The following SRGAP1 variants were observed in gnomAD, a reference collection of about 807,000 sequenced individuals.
SRGAP1 encodes SLIT-ROBO Rho GTPase activating protein 1, also known as SLIT-ROBO Rho GTPase-activating protein 1.
Under a neutral mutation model 121.9 loss-of-function variants are expected in SRGAP1, and 43 were observed. That is an observed-to-expected ratio of 0.35 (90% CI 0.28 to 0.46). SRGAP1 has a LOEUF of 0.46. Among genes scored for constraint, SRGAP1 ranks in the 20% least tolerant of loss-of-function variants. SRGAP1 has a pLI of 1.00. For missense variants in SRGAP1, 1,102 were observed against 1,350.9 expected (o/e 0.82, Z 2.89); for synonymous variants, 447 against 485.4 (o/e 0.92, Z 1.04).
chr12:64,074,564 C>T (rs1040146382), intron 8 of SRGAP1, among the ~76,000 whole-genome samples: 2 of 152,106 alleles, frequency 1.3e-5, no homozygotes, highest in African/African-American at 4.8e-5. Flanking sequence ...GCCTGGAATG[C>T]CCTTTTTTTC....
intron 10 of SRGAP1, among the ~76,000 whole-genome samples, chr12:64,082,752 A>T (rs1311080949): frequency 6.6e-6 from 1 of 152,002 alleles, no homozygotes; most frequent in African/African-American, 2.4e-5. Context: ...CCAGCTCAGG[A>T]TTTCTTTATC....
chr12:64,087,832 A>C (rs2035977397), intron 11 of SRGAP1, among the ~76,000 whole-genome samples: 1 of 152,194 alleles, frequency 6.6e-6, no homozygotes, highest in South Asian at 2.1e-4. Context: ...TTCACTTTAA[A>C]CATTTAACTT....
chr12:63,892,903 A>C (rs1306854867), intron 1 of SRGAP1, among the ~76,000 whole-genome samples: 2 of 152,214 alleles, frequency 1.3e-5, no homozygotes, highest in African/African-American at 4.8e-5. Flanking sequence ...AAATTGTAGC[A>C]ATTATATATT....
chr12:64,114,254 A>G (rs1029910843), intron 17 of SRGAP1, among the ~76,000 whole-genome samples: 3 of 151,786 alleles, frequency 2.0e-5, no homozygotes, highest in African/African-American at 7.3e-5. Context: ...AATGAATGCA[A>G]CTCAACCCTG....
chr12:64,048,741 C>T (rs1335519302), intron 6 of SRGAP1, among the ~76,000 whole-genome samples: 1 of 152,110 alleles, frequency 6.6e-6, no homozygotes, highest in African/African-American at 2.4e-5. Flanking sequence ...ATTTGCATCT[C>T]TCTGATGATC....
intron 6 of SRGAP1, among the ~76,000 whole-genome samples, chr12:64,056,637 T>A (rs545143215): frequency 6.6e-6 from 1 of 152,166 alleles, no homozygotes; most frequent in Admixed American, 6.5e-5. Flanking sequence ...GACCTCCCAT[T>A]GTCCTTAGAA....
At chr12:63,979,317 C>T (rs529495756) in intron 1 of SRGAP1, among the ~76,000 whole-genome samples, 5 of 152,210 alleles carry the variant, frequency 3.3e-5, no homozygotes, top group African/African-American at 4.8e-5. Context: ...GGATTACAGG[C>T]GTGAGCCACC....
chr12:63,956,632 A>C (rs139272424), intron 1 of SRGAP1, among the ~76,000 whole-genome samples: 1,682 of 152,258 alleles, frequency 0.011, 8 homozygotes, highest in Non-Finnish European at 0.016. Context: ...ACAAAAATGT[A>C]AGGAGCTCTT....
chr12:63,999,352 A>T (rs1010279808), intron 3 of SRGAP1, among the ~76,000 whole-genome samples: 2 of 152,228 alleles, frequency 1.3e-5, no homozygotes, highest in African/African-American at 4.8e-5. Flanking sequence ...TAGTGACGTG[A>T]TCCACTTTCA....
intron 1 of SRGAP1, among the ~76,000 whole-genome samples, chr12:63,869,179 T>C (rs1340806239): frequency 6.6e-6 from 1 of 152,230 alleles, no homozygotes; most frequent in African/African-American, 2.4e-5. Flanking sequence ...CTCACAGTTC[T>C]GGTTGCTGGG....
intron 3 of SRGAP1, among the ~76,000 whole-genome samples, chr12:64,010,820 T>G (rs2034231446): frequency 6.6e-6 from 1 of 151,852 alleles, no homozygotes; most frequent in South Asian, 2.1e-4. Context: ...TTATTTAACT[T>G]GTACACAGAC....
chr12:64,110,695 GA>G lies in SRGAP1; in HGVS notation c.1920-1066del, dbSNP rs200985003. 3.1e-3 allele frequency among the ~76,000 whole-genome samples: 478 copies of G among 152,258 alleles called. 2 individuals carry two copies. Among genetic ancestry groups the G allele is most frequent in the Admixed American group, 0.01 (154 of 15,282 alleles). On this transcript the variant is annotated intron_variant, in intron 16 of 21. Transcript: ENST00000355086. ...TATTCAGAATCTCCATTTTCAAGAT[GA>G]TCTGTAATATGATCATTTACTGTTA... is the stretch of plus-strand genomic sequence containing the variant.
intron 11 of SRGAP1, among the ~76,000 whole-genome samples, chr12:64,089,387 C>T (rs1400389231): frequency 1.3e-5 from 2 of 152,220 alleles, no homozygotes; most frequent in Admixed American, 6.5e-5. Flanking sequence ...TGACCCACCC[C>T]GGTGCTTCCT....
At chr12:63,990,624 A>G (rs922790481) in intron 3 of SRGAP1, among the ~76,000 whole-genome samples, 1 of 152,220 alleles carries the variant, frequency 6.6e-6, no homozygotes, top group Non-Finnish European at 1.5e-5. Flanking sequence ...TTATAGAGTT[A>G]TAAGTCAGTG....
chr12:63,883,980 T>C (rs942443230), intron 1 of SRGAP1, among the ~76,000 whole-genome samples: 9 of 149,840 alleles, frequency 6.0e-5, no homozygotes, highest in Admixed American at 2.0e-4. Flanking sequence ...TTTCAATGCA[T>C]GCAATAAGGT....
At chr12:63,864,286 G>A (rs1280285247) in intron 1 of SRGAP1, among the ~76,000 whole-genome samples, 2 of 152,128 alleles carry the variant, frequency 1.3e-5, no homozygotes, top group African/African-American at 2.4e-5. Flanking sequence ...CTGTGAAACA[G>A]AATAAAAATT....
At chr12:63,891,995 A>G (rs1191358457) in intron 1 of SRGAP1, among the ~76,000 whole-genome samples, 2 of 151,682 alleles carry the variant, frequency 1.3e-5, no homozygotes, top group African/African-American at 4.8e-5. Flanking sequence ...AAAAAAAAAA[A>G]AAAAGAAAAA....
chr12:64,154,527 G>T lies in SRGAP1; in HGVS notation c.*11855G>T. On this transcript the variant is annotated 3_prime_UTR_variant, in exon 22 of 22. Transcript: ENST00000355086. ...CTAATAAATTAAATATGGGAATAAA[G>T]AAAGAAAAGAATCAAGAGTGGCTCC... 6.6e-6 allele frequency: 1 copy of T among 152,132 alleles called. No homozygotes were observed. Among genetic ancestry groups the T allele is most frequent in the Non-Finnish European group, 1.5e-5 (1 of 68,024 alleles). The allele number at this position is 152,132 out of a possible 1,614,324, so 9.4% of individuals were successfully genotyped here. A position where few individuals can be genotyped will look rare whatever the true frequency, so the allele number is the denominator to read the frequency against.
At chr12:64,000,239 G>GTGTGT (rs1555164000) in intron 3 of SRGAP1, among the ~76,000 whole-genome samples, 3 of 131,526 alleles carry the variant, frequency 2.3e-5, no homozygotes, top group South Asian at 2.5e-4. Flanking sequence ...GAAAGGTAGG[G>GTGTGT]GTGTGTGTGT....
Sources: allele counts gnomAD v4.1 joint callset (sites outside exome capture counted in the v4.1 genomes callset), GRCh38; gene constraint gnomAD v4.1.1; transcripts MANE v1.5; gene names NCBI Gene and HGNC (gene_info 2026-07-23, HGNC 2026-07-21).